EVL: variants seen among roughly 807,000 people sequenced by gnomAD.
EVL encodes the protein ena/VASP-like protein.
In EVL, 21 loss-of-function variants were observed where a neutral mutation model predicts 59.6. The ratio of observed to expected loss-of-function variants is 0.35; its 90% CI spans 0.25 to 0.51. The LOEUF (loss-of-function observed/expected upper bound fraction) is 0.51. Ranked by LOEUF, EVL falls within the 20% of genes least tolerant of loss-of-function variation. The probability of loss-of-function intolerance (pLI) is 0.97; values close to 1 mark genes in which losing one functional copy is unlikely to be tolerated. For synonymous variants in EVL, 198 were observed against 203.5 expected, an observed-to-expected ratio of 0.97 and a Z score of 0.23; for missense variants, 462 against 546.6, an observed-to-expected ratio of 0.85 and a Z score of 1.54.
At chr14:99,985,723 C>T (rs936162967) in intron 1 of EVL, among the ~76,000 whole-genome samples, 2 of 151,204 alleles carry the variant, frequency 1.3e-5, no homozygotes, top group South Asian at 4.2e-4. Context: ...GCCAAGATTG[C>T]GCCATTGCAC....
rs140447080 is a variant in EVL at position 100,103,056 on chromosome 14, C to T, written c.358+5398C>T. ...GAAAAAGGTTGCAGTGAGCCGAGAT[C>T]GCCTCACTGCACTCCAGCCTGGCAA... On this transcript the variant is annotated intron_variant, in intron 3 of 13. Coordinates refer to ENST00000392920, the MANE Select transcript of EVL (RefSeq NM_016337.3). 1.9e-4 allele frequency among the ~76,000 whole-genome samples: 28 copies of T among 148,606 alleles called. No homozygotes were observed. In the East Asian group the frequency reaches 4.6e-3, roughly 24 times the overall value.
intron 1 of EVL, among the ~76,000 whole-genome samples, chr14:100,019,125 A>C (rs1288150589): frequency 6.6e-6 from 1 of 152,192 alleles, no homozygotes; most frequent in Admixed American, 6.5e-5. Context: ...GAATGGTAAA[A>C]TACAGAATTC....
intron 2 of EVL, 45 bp from the exon 3 acceptor site, chr14:100,097,436 A>G: frequency 1.3e-6 from 2 of 1,555,524 alleles, no homozygotes; most frequent in Non-Finnish European, 1.7e-6. Context: ...GAGCTCACTT[A>G]CATTTTATTT....
At chr14:100,073,955 G>A (rs542110253) in intron 1 of EVL, among the ~76,000 whole-genome samples, 7 of 148,904 alleles carry the variant, frequency 4.7e-5, no homozygotes, top group South Asian at 2.2e-4. Context: ...GCAGGGGCCC[G>A]AGGGTGTGCA....
chr14:100,066,317 TG>T (rs1183547072), intron 1 of EVL: 4 of 152,230 alleles, frequency 2.6e-5, no homozygotes, highest in Non-Finnish European at 4.4e-5. Flanking sequence ...GTTAGATTGA[TG>T]AGAACGCTGT....
At chr14:100,019,155 T>TA (rs1389308159) in intron 1 of EVL, among the ~76,000 whole-genome samples, 5 of 152,206 alleles carry the variant, frequency 3.3e-5, no homozygotes, top group African/African-American at 7.2e-5. Flanking sequence ...TTTCAGTACT[T>TA]ACGTTCACAT....
chr14:100,085,528 A>G (rs1447777477), intron 2 of EVL, among the ~76,000 whole-genome samples: 1 of 152,168 alleles, frequency 6.6e-6, no homozygotes, highest in African/African-American at 2.4e-5. Flanking sequence ...CTCTCTTCTT[A>G]TAGATTGACA....
intron 1 of EVL, among the ~76,000 whole-genome samples, chr14:100,084,038 TTCTC>T (rs199920852): frequency 2.8e-4 from 42 of 147,752 alleles, no homozygotes; most frequent in Admixed American, 2.5e-3. Context: ...TAATAATGCA[TTCTC>T]TCTCTCTCTC....
intron 1 of EVL, among the ~76,000 whole-genome samples, chr14:100,006,053 G>A (rs527684474): frequency 1.3e-5 from 2 of 151,818 alleles, no homozygotes; most frequent in East Asian, 1.9e-4. Flanking sequence ...GTGTGTTGGG[G>A]GTGAGGGGGA....
chr14:100,099,490 A>G (rs1886058023), intron 3 of EVL, among the ~76,000 whole-genome samples: 1 of 152,202 alleles, frequency 6.6e-6, no homozygotes, highest in Non-Finnish European at 1.5e-5. Flanking sequence ...AGGTACTGGC[A>G]GCTTTCCCTA....
At chr14:100,078,302 A>C (rs2062211000) in intron 1 of EVL, among the ~76,000 whole-genome samples, 1 of 152,146 alleles carries the variant, frequency 6.6e-6, no homozygotes, top group Non-Finnish European at 1.5e-5. Flanking sequence ...ATAAAAGATA[A>C]GTAGAAAGGA....
In EVL at chr14:100,136,520, GGTT is replaced by G. The variant is rs924400592; in HGVS notation, c.964+556_964+558del. ...CGCAGGGGAGGAAGACCCCAGGGTT[GGTT>G]GTTCATTCGACAAACATCTTTGCAG... On this transcript the variant is annotated intron_variant, in intron 9 of 13. Coordinates refer to ENST00000392920, the MANE Select transcript of EVL (RefSeq NM_016337.3). Among the ~76,000 whole-genome samples the G allele has an allele frequency of 1.3e-4, 20 of 152,286 alleles. No individual in the cohort carries two copies. The South Asian group carries it at 2.7e-3, about 21-fold the overall frequency.
chr14:100,021,385 TCTTG>T (rs976417420), intron 1 of EVL, among the ~76,000 whole-genome samples: 1 of 152,212 alleles, frequency 6.6e-6, no homozygotes, highest in African/African-American at 2.4e-5. Context: ...GGCTGTTACC[TCTTG>T]CTTCAAGCTT....
chr14:100,096,063 G>A (rs915392966), intron 2 of EVL, among the ~76,000 whole-genome samples: 5 of 152,052 alleles, frequency 3.3e-5, no homozygotes, highest in African/African-American at 1.2e-4. Flanking sequence ...AGTGTACTGT[G>A]TGTGTGTCCC....
At chr14:99,983,870 A>G (rs2060824010) in intron 1 of EVL, among the ~76,000 whole-genome samples, 1 of 152,042 alleles carries the variant, frequency 6.6e-6, no homozygotes, top group Non-Finnish European at 1.5e-5. Flanking sequence ...TACCTTTGTG[A>G]TATCCCATAT....
intron 3 of EVL, among the ~76,000 whole-genome samples, chr14:100,111,668 C>T (rs1048304302): frequency 2.0e-5 from 3 of 152,154 alleles, no homozygotes; most frequent in Non-Finnish European, 4.4e-5. Context: ...AGAGCTAAGC[C>T]GTATACTCCT....
chr14:100,101,451 C>A (rs1886217648), intron 3 of EVL, among the ~76,000 whole-genome samples: 1 of 151,986 alleles, frequency 6.6e-6, no homozygotes, highest in Admixed American at 6.6e-5. Flanking sequence ...TTGCACTCCA[C>A]TTTGGGCAAC....
At chr14:100,020,763 G>T (rs971471061) in intron 1 of EVL, among the ~76,000 whole-genome samples, 3 of 152,198 alleles carry the variant, frequency 2.0e-5, no homozygotes, top group Admixed American at 6.5e-5. Context: ...ACAAAGAAAA[G>T]TCGGACCGTA....
chr14:99,986,052 G>A (rs2060838058), intron 1 of EVL, among the ~76,000 whole-genome samples: 1 of 152,130 alleles, frequency 6.6e-6, no homozygotes, highest in South Asian at 2.1e-4. Flanking sequence ...AGCACTTTGG[G>A]AGGCCAAGGC....
Sources: gnomAD v4.1 joint callset for allele counts (sites outside exome capture counted in the v4.1 genomes callset) on GRCh38, gnomAD v4.1.1 for gene constraint, MANE v1.5 for transcripts, NCBI Gene and HGNC (gene_info 2026-07-23, HGNC 2026-07-21) for gene names.